HDAC9: variants seen among roughly 807,000 people sequenced by gnomAD.
The protein encoded by HDAC9 is MEF-2 interacting transcription repressor (MITR) protein.
In HDAC9, 41 loss-of-function variants were observed where a neutral mutation model predicts 139.4. The observed-to-expected ratio is 0.29, with a 90% CI of 0.23 to 0.38. The LOEUF is 0.38. Among genes scored for constraint, HDAC9 ranks in the 10% least tolerant of loss-of-function variants. HDAC9 has a pLI of 1.00. For missense variants in HDAC9, 1,147 were observed against 1,297.0 expected, an observed-to-expected ratio of 0.88 and a Z score of 1.78; for synonymous variants, 517 against 476.2, an observed-to-expected ratio of 1.09 and a Z score of -1.12.
intron 1 of HDAC9, among the ~76,000 whole-genome samples, chr7:18,475,628 C>G (rs972924697): frequency 2.0e-5 from 3 of 152,160 alleles, no homozygotes; most frequent in African/African-American, 7.2e-5. Flanking sequence ...CCAGCCCATG[C>G]AGCTGCATAA....
chr7:18,799,235 C>A (rs1302282498), intron 17 of HDAC9, among the ~76,000 whole-genome samples: 1 of 152,216 alleles, frequency 6.6e-6, no homozygotes, highest in Non-Finnish European at 1.5e-5. Context: ...TTTTACACAA[C>A]GATTTCACAA....
chr7:18,337,301 GA>G (rs1361916960), intron 1 of HDAC9, among the ~76,000 whole-genome samples: 1 of 151,550 alleles, frequency 6.6e-6, no homozygotes, highest in Non-Finnish European at 1.5e-5. Context: ...ATTGGATAAA[GA>G]ATCTCCAAAA....
At chr7:18,983,317 G>A (rs1366762346) in intron 25 of HDAC9, among the ~76,000 whole-genome samples, 1 of 152,108 alleles carries the variant, frequency 6.6e-6, no homozygotes, top group African/African-American at 2.4e-5. Context: ...TCCATTGCAT[G>A]TATATGCCAC....
At chr7:18,468,736 A>C (rs1198856810) in intron 1 of HDAC9, among the ~76,000 whole-genome samples, 3 of 152,208 alleles carry the variant, frequency 2.0e-5, no homozygotes, top group African/African-American at 7.2e-5. Context: ...TGCAAAAATA[A>C]ATTCATGAAT....
Position 18,546,577 on chromosome 7 carries a change from T to C in HDAC9, c.23-38704T>C, listed in dbSNP as rs144004643. On this transcript the variant is annotated intron_variant, in intron 2 of 25. Coordinates refer to ENST00000686413, the MANE Select transcript of HDAC9 (RefSeq NM_178425.4). ...CATTCTCTTAGTCTTTTGTTTGACT[T>C]TAACACCTAGGATGAAGCTTATAGA... is the stretch of plus-strand genomic sequence containing the variant. Among the ~76,000 whole-genome samples, 1,374 of 152,310 alleles carry C rather than the reference T, an allele frequency of 9.0e-3. 7 individuals carry two copies. Among genetic ancestry groups the C allele is most frequent in the Middle Eastern group, 0.02 (6 of 294 alleles).
At chr7:18,278,921 G>C (rs145655089) in intron 2 of HDAC9, among the ~76,000 whole-genome samples, 1,968 of 152,270 alleles carry the variant, frequency 0.013, 23 homozygotes, top group Middle Eastern at 0.027. Flanking sequence ...CTCTGCTGTG[G>C]AAGTAGGTAC....
intron 1 of HDAC9, among the ~76,000 whole-genome samples, chr7:18,476,391 T>C (rs980297622): frequency 6.6e-6 from 1 of 152,082 alleles, no homozygotes; most frequent in Non-Finnish European, 1.5e-5. Flanking sequence ...GAAACCAGAT[T>C]ATAATTAGAT....
At chr7:18,712,619 G>A (rs748572285) in intron 12 of HDAC9, among the ~76,000 whole-genome samples, 9 of 152,152 alleles carry the variant, frequency 5.9e-5, no homozygotes, top group Non-Finnish European at 1.3e-4. Flanking sequence ...GAACCAAGCA[G>A]AGGATAAACA....
chr7:18,686,365 C>T (rs1282057041), intron 12 of HDAC9, among the ~76,000 whole-genome samples: 1 of 151,938 alleles, frequency 6.6e-6, no homozygotes, highest in Non-Finnish European at 1.5e-5. Flanking sequence ...GTCAGGAAGT[C>T]ACTGTATGGA....
intron 2 of HDAC9, among the ~76,000 whole-genome samples, chr7:18,273,460 C>T (rs983804348): frequency 6.6e-6 from 1 of 152,070 alleles, no homozygotes; most frequent in Non-Finnish European, 1.5e-5. Context: ...ATAATATATA[C>T]ATATCTGAAA....
intron 1 of HDAC9, among the ~76,000 whole-genome samples, chr7:18,151,219 T>A (rs1451097089): frequency 6.6e-6 from 1 of 152,240 alleles, no homozygotes; most frequent in Non-Finnish European, 1.5e-5. Context: ...GGTGGCTTTC[T>A]CACTCAGGGG....
intron 12 of HDAC9, among the ~76,000 whole-genome samples, chr7:18,691,082 A>G (rs760018500): frequency 6.6e-6 from 1 of 152,028 alleles, no homozygotes; most frequent in Non-Finnish European, 1.5e-5. Context: ...TTTGCTTTGC[A>G]GTATTTACAC....
At chr7:18,790,688 C>G (rs1792224801) in intron 16 of HDAC9, among the ~76,000 whole-genome samples, 1 of 152,042 alleles carries the variant, frequency 6.6e-6, no homozygotes, top group Admixed American at 6.6e-5. Flanking sequence ...CATTTATAAA[C>G]TAAATGTAGG....
chr7:18,145,733 A>G (rs962210132), intron 1 of HDAC9, among the ~76,000 whole-genome samples: 7 of 152,210 alleles, frequency 4.6e-5, no homozygotes, highest in African/African-American at 1.7e-4. Context: ...TCTCATCAAT[A>G]GAATGGATGT....
intron 2 of HDAC9, among the ~76,000 whole-genome samples, chr7:18,554,688 T>TC (rs1050733699): frequency 1.1e-4 from 16 of 152,178 alleles, no homozygotes; most frequent in African/African-American, 3.6e-4. Flanking sequence ...TCCTCTTCTG[T>TC]CTCCCTCCTT....
chr7:18,233,334 A>G (rs1051003701), intron 2 of HDAC9, among the ~76,000 whole-genome samples: 2 of 152,084 alleles, frequency 1.3e-5, no homozygotes, highest in Non-Finnish European at 2.9e-5. Context: ...TAGAAGAGAC[A>G]TGACAGAATA....
At chr7:18,496,133 G>T in intron 1 of HDAC9, 110 bp downstream of exon 1, 1 of 1,406,930 alleles carries the variant, frequency 7.1e-7, no homozygotes. Flanking sequence ...TCAGGGAGGA[G>T]GGAGAACCAG....
At chr7:18,588,334 G>A (rs910653334) in intron 3 of HDAC9, among the ~76,000 whole-genome samples, 1 of 152,036 alleles carries the variant, frequency 6.6e-6, no homozygotes, top group Non-Finnish European at 1.5e-5. Flanking sequence ...TCCCTTATCT[G>A]AAATGCCCGG....
At chr7:18,155,699 A>G (rs1340966995) in intron 1 of HDAC9, among the ~76,000 whole-genome samples, 1 of 152,128 alleles carries the variant, frequency 6.6e-6, no homozygotes, top group Non-Finnish European at 1.5e-5. Flanking sequence ...TGTGTGTTAG[A>G]TGTGTGGCCT....
Sources: allele counts gnomAD v4.1 joint callset (sites outside exome capture counted in the v4.1 genomes callset), GRCh38; gene constraint gnomAD v4.1.1; transcripts MANE v1.5; gene names NCBI Gene and HGNC (gene_info 2026-07-23, HGNC 2026-07-21).